COX10: variants seen among roughly 807,000 people sequenced by gnomAD.
COX10 encodes the protein protoheme IX farnesyltransferase, mitochondrial.
In COX10, 27 loss-of-function variants were observed where a neutral mutation model predicts 37.3. That is an observed-to-expected ratio of 0.72 (90% CI 0.53 to 1.00). COX10 has a LOEUF of 1.00. Among genes scored for constraint, COX10 ranks in the 50% least tolerant of loss-of-function variants. The probability of loss-of-function intolerance (pLI) is 0.00; values close to 1 mark genes in which losing one functional copy is unlikely to be tolerated. For synonymous variants in COX10, 222 were observed against 229.1 expected (o/e 0.97, Z 0.28); for missense variants, 475 against 563.2 (o/e 0.84, Z 1.59).
chr17:14,105,898 TA>T (rs1020555917), intron 4 of COX10, among the ~76,000 whole-genome samples: 1 of 152,156 alleles, frequency 6.6e-6, no homozygotes, highest in African/African-American at 2.4e-5. Flanking sequence ...AAAACATATT[TA>T]ACATGGATAT....
chr17:14,069,743 C>G, intron 1 of COX10, 95 bp downstream of exon 1: 1 of 1,532,020 alleles, frequency 6.5e-7, no homozygotes, highest in Non-Finnish European at 9.0e-7. Flanking sequence ...CCTTGGGGAG[C>G]CCTTGGCGAG....
At chr17:14,072,264 A>G (rs557651687) in intron 1 of COX10, among the ~76,000 whole-genome samples, 2 of 152,236 alleles carry the variant, frequency 1.3e-5, no homozygotes, top group East Asian at 3.9e-4. Flanking sequence ...CTTGTTGTCC[A>G]GGCTGGAGTG....
At chr17:14,069,724 T>C in intron 1 of COX10, 76 bp downstream of exon 1, 1 of 1,588,142 alleles carries the variant, frequency 6.3e-7, no homozygotes, top group Non-Finnish European at 8.6e-7. Context: ...TGGTTCCGGC[T>C]GGCTGCAACC....
chr17:14,137,765 G>C (rs1163184569), intron 4 of COX10, among the ~76,000 whole-genome samples: 1 of 151,958 alleles, frequency 6.6e-6, no homozygotes, highest in Non-Finnish European at 1.5e-5. Flanking sequence ...TATTAAGGTA[G>C]ACTAGAAAGG....
rs1904690739 is a variant in COX10, at chr17:14,145,670, A to G, written c.625-14207A>G. On this transcript the variant is annotated intron_variant, in intron 4 of 6. Transcript: ENST00000261643. ...TTTATTCCTTGGACAGTGGACAGCC[A>G]TGGAAGGGTTTTATGCTAGAAAGTA... 2.6e-5 allele frequency among the ~76,000 whole-genome samples: 4 copies of G among 152,272 alleles called. No homozygotes were observed. The South Asian group carries it at 6.2e-4, about 24-fold the overall frequency.
intron 3 of COX10, among the ~76,000 whole-genome samples, chr17:14,096,430 A>G (rs1320363195): frequency 7.8e-6 from 1 of 127,636 alleles, no homozygotes; most frequent in East Asian, 2.3e-4. Context: ...GCTGGAGTGC[A>G]GTGGCACCAT....
At chr17:14,169,234 G>C (rs904985918) in intron 5 of COX10, among the ~76,000 whole-genome samples, 2 of 152,334 alleles carry the variant, frequency 1.3e-5, no homozygotes, top group Admixed American at 6.5e-5. Flanking sequence ...AGCATAGCAA[G>C]AGTGACCTTT....
At chr17:14,081,282 G>A (rs922428159) in intron 3 of COX10, among the ~76,000 whole-genome samples, 4 of 152,202 alleles carry the variant, frequency 2.6e-5, no homozygotes, top group Non-Finnish European at 2.9e-5. Context: ...GTGGTCAACT[G>A]AGAAACGACT....
At chr17:14,106,171 C>T (rs902584720) in intron 4 of COX10, among the ~76,000 whole-genome samples, 4 of 151,990 alleles carry the variant, frequency 2.6e-5, no homozygotes, top group African/African-American at 9.7e-5. Flanking sequence ...CGCCCGCCAC[C>T]GTGCCCACCT....
chr17:14,155,490 T>G (rs12944700), intron 4 of COX10, among the ~76,000 whole-genome samples: 1 of 151,878 alleles, frequency 6.6e-6, no homozygotes, highest in Non-Finnish European at 1.5e-5. Flanking sequence ...CCGAGTCAGA[T>G]GGATCACAAG....
chr17:14,163,851 T>G (rs1186886010), intron 5 of COX10, among the ~76,000 whole-genome samples: 1 of 152,224 alleles, frequency 6.6e-6, no homozygotes, highest in African/African-American at 2.4e-5. Context: ...TCTTTTCAGT[T>G]TTTTTCACAA....
chr17:14,139,223 CT>C (rs1904471305), intron 4 of COX10, among the ~76,000 whole-genome samples: 1 of 152,064 alleles, frequency 6.6e-6, no homozygotes, highest in Admixed American at 6.6e-5. Context: ...AAAAAAGGCA[CT>C]GGTGTTCAAT....
rs1916037834 is a variant in COX10 at position 14,113,006 on chromosome 17, G to GTTA, written c.624+10765_624+10767dup. ...TTGGTAACATAATTAATGGCTTTCT[G>GTTA]TTAATCTTAGGCTAGAGAAGGAAGT... On this transcript the variant is annotated intron_variant, in intron 4 of 6. Transcript: ENST00000261643. Among the ~76,000 whole-genome samples, 7 of 152,216 alleles carry GTTA rather than the reference G, an allele frequency of 4.6e-5. No individual in the cohort carries two copies. The South Asian group carries it at 1.5e-3, about 32-fold the overall frequency.
chr17:14,148,071 G>A (rs1363294636), intron 4 of COX10, among the ~76,000 whole-genome samples: 1 of 150,084 alleles, frequency 6.7e-6, no homozygotes, highest in Non-Finnish European at 1.5e-5. Context: ...CCTCTGATAA[G>A]TGCTAGGTGA....
intron 5 of COX10, among the ~76,000 whole-genome samples, chr17:14,165,679 G>A (rs1451754961): frequency 6.6e-6 from 1 of 152,198 alleles, no homozygotes; most frequent in Non-Finnish European, 1.5e-5. Context: ...AGCTAGAAAT[G>A]ATTAAGCTTA....
chr17:14,079,389 T>C (rs1915227706), intron 3 of COX10, among the ~76,000 whole-genome samples: 1 of 152,200 alleles, frequency 6.6e-6, no homozygotes, highest in Admixed American at 6.5e-5. Context: ...GAAGAGTCTT[T>C]GCAAAAGCAA....
chr17:14,134,051 A>C (rs930058192), intron 4 of COX10, among the ~76,000 whole-genome samples: 1 of 151,656 alleles, frequency 6.6e-6, no homozygotes, highest in African/African-American at 2.4e-5. Flanking sequence ...TTTGGTGTTA[A>C]ATAATTCCTT....
At chr17:14,169,251 A>G (rs943804859) in intron 5 of COX10, among the ~76,000 whole-genome samples, 2 of 152,110 alleles carry the variant, frequency 1.3e-5, no homozygotes, top group Admixed American at 1.3e-4. Flanking sequence ...CTTTACTCCA[A>G]TTCCCAATAA....
At chr17:14,072,946 T>C (rs1432571094) in intron 1 of COX10, among the ~76,000 whole-genome samples, 1 of 152,180 alleles carries the variant, frequency 6.6e-6, no homozygotes, top group Admixed American at 6.5e-5. Context: ...TGAAGAAGTG[T>C]CATGCAACAT....
Sources: gnomAD v4.1 joint callset for allele counts (sites outside exome capture counted in the v4.1 genomes callset) on GRCh38, gnomAD v4.1.1 for gene constraint, MANE v1.5 for transcripts, NCBI Gene and HGNC (gene_info 2026-07-23, HGNC 2026-07-21) for gene names.